UBXN11: variants seen among roughly 807,000 people sequenced by gnomAD.
UBXN11 encodes the protein UBX domain-containing protein 11.
Under a neutral mutation model 62.8 loss-of-function variants are expected in UBXN11, and 47 were observed. The observed-to-expected ratio is 0.75, with a 90% confidence interval of 0.59 to 0.95. The LOEUF (loss-of-function observed/expected upper bound fraction) is 0.95. Ranked by LOEUF, UBXN11 falls within the 40% of genes least tolerant of loss-of-function variation. The pLI is 0.00. For missense variants in UBXN11, 638 were observed against 661.7 expected, an observed-to-expected ratio of 0.96 and a Z score of 0.39; for synonymous variants, 294 against 267.0, an observed-to-expected ratio of 1.10 and a Z score of -0.99.
intron 7 of UBXN11, among the ~76,000 whole-genome samples, chr1:26,296,337 T>C (rs2073391280): frequency 6.6e-6 from 1 of 152,092 alleles, no homozygotes; most frequent in African/African-American, 2.4e-5. Flanking sequence ...AGGAAACTGC[T>C]CCCTCCGTCG....
Position 26,284,205 on chromosome 1 carries a change from G to A in UBXN11, c.1014C>T (p.Pro338=), listed in dbSNP as rs2073069894. 2 of 1,612,972 alleles carry A rather than the reference G, an allele frequency of 1.2e-6. No homozygotes were observed. Among genetic ancestry groups the A allele is most frequent in the South Asian group, 1.1e-5 (1 of 90,922 alleles). ...MTAEKFLNRL[P]KFVIRQGEVI... is the part of the protein sequence containing the mutation. The stretch of plus-strand genomic sequence containing the variant: ...CCTCGCCTTGCCGGATCACAAACTT[G>A]GGGAGCCTGTTCAGAAATTTCTCAG... The change falls in exon 12 of 15, where the codon CCC becomes CCT. Residue 338 remains proline (P), a synonymous_variant. Transcript: ENST00000374222.
intron 1 of UBXN11, among the ~76,000 whole-genome samples, chr1:26,316,024 A>G (rs908403215): frequency 2.8e-5 from 4 of 143,404 alleles, no homozygotes; most frequent in Non-Finnish European, 4.5e-5. Flanking sequence ...CAGTGCCACA[A>G]TCATGGCTCA....
At chr1:26,283,334 G>T (rs2073048192) in intron 12 of UBXN11, among the ~76,000 whole-genome samples, 1 of 152,188 alleles carries the variant, frequency 6.6e-6, no homozygotes, top group Non-Finnish European at 1.5e-5. Context: ...CAAAGATCCT[G>T]GGTTCAGGGA....
At position 26,300,925 on chromosome 1, in the gene UBXN11, C is replaced by A. The variant is rs746179744; in HGVS notation, c.199+1G>T. The A allele has an allele frequency of 6.2e-7, 1 of 1,614,248 alleles. No individual in the cohort carries two copies. The highest frequency in any genetic ancestry group is 1.1e-5 in the South Asian group (1 of 91,092). On this transcript the variant is annotated splice_donor_variant, in intron 4 of 14. Transcript: ENST00000374222. LOFTEE classifies it high-confidence loss of function. ...CAGACCCTTCAGGCCTCTGCTCTCA[C>A]CTTGCCGACTCACAGGGGCACCTAT...
intron 10 of UBXN11, 136 bp downstream of exon 10, chr1:26,285,328 C>T: frequency 6.6e-7 from 1 of 1,513,832 alleles, no homozygotes; most frequent in Non-Finnish European, 8.9e-7. Flanking sequence ...CAGACTTATC[C>T]TCCTGGAGGG....
At chr1:26,291,479 A>G (rs1207425372) in intron 8 of UBXN11, among the ~76,000 whole-genome samples, 1 of 152,216 alleles carries the variant, frequency 6.6e-6, no homozygotes, top group African/African-American at 2.4e-5. Context: ...TTCACAAGTT[A>G]CTTTGACTTG....
At position 26,284,157 on chromosome 1, in the gene UBXN11, G is replaced by C. The variant is rs774659047; in HGVS notation, c.1062C>G (p.Ile354Met). Residue 354 changes from isoleucine to methionine, a missense_variant, in exon 12 of 15, where the codon ATC becomes ATG. Transcript: ENST00000374222. ...QGEVIDIRGPIRDTLQNCCPL... is the reference protein window; with the variant it reads ...QGEVIDIRGPMRDTLQNCCPL... ...TTGGCCTCACCTGCAAGGTGTCCCT[G>C]ATGGGGCCCCGGATGTCAATCACCT... 2 of 1,610,832 alleles carry C rather than the reference G, an allele frequency of 1.2e-6. No individual in the cohort carries two copies. The highest frequency in any genetic ancestry group is 3.4e-5 in the Admixed American group (2 of 59,406).
chr1:26,289,400 G>T (rs182054756), intron 8 of UBXN11, among the ~76,000 whole-genome samples: 7 of 152,128 alleles, frequency 4.6e-5, no homozygotes, highest in Non-Finnish European at 8.8e-5. Flanking sequence ...GAGGCTGCAT[G>T]CCTGGAGCCC....
At chr1:26,288,076 T>TA (rs71721830) in intron 8 of UBXN11, among the ~76,000 whole-genome samples, 9 of 150,592 alleles carry the variant, frequency 6.0e-5, no homozygotes, top group Admixed American at 3.3e-4. Flanking sequence ...CTAATTAATT[T>TA]AAAAAAAAAT....
Position 26,282,569 on chromosome 1 carries a change from C to G in UBXN11, c.1293G>C (p.Arg431Ser). 1 of 1,602,840 alleles carries G rather than the reference C, an allele frequency of 6.2e-7. No individual in the cohort carries two copies. The highest frequency in any genetic ancestry group is 8.5e-7 in the Non-Finnish European group (1 of 1,172,102). ...TCTCAAAGGCAGAGGCATCCATGAC[C>G]CTGGGGACCAGGCAGAGCAGATCAG... ...GDVRALLAQARVMDASAFEIF... is the reference protein window; with the variant it reads ...GDVRALLAQASVMDASAFEIF... Residue 431 changes from arginine to serine, a missense_variant and splice_region_variant, in exon 15 of 15, where the codon AGG becomes AGC. Transcript: ENST00000374222.
Position 26,301,639 on chromosome 1 carries a change from T to C in UBXN11, c.100+55A>G, listed in dbSNP as rs554388388. 24 of 1,606,244 alleles carry C rather than the reference T, an allele frequency of 1.5e-5. No individual in the cohort carries two copies. The Admixed American group carries it at 2.2e-4, about 15-fold the overall frequency. The stretch of plus-strand genomic sequence containing the variant: ...TGATTTCTCTCCATCGGTCCAACTG[T>C]AGGAGGTGCAAGCACATGAGAGGCG... On this transcript the variant is annotated intron_variant, in intron 3 of 14. Transcript: ENST00000374222.
intron 12 of UBXN11, among the ~76,000 whole-genome samples, chr1:26,283,652 C>G (rs1456297780): frequency 6.6e-6 from 1 of 152,062 alleles, no homozygotes; most frequent in African/African-American, 2.4e-5. Flanking sequence ...AGGGATGCAT[C>G]TGGGAGAAGT....
chr1:26,282,586 G>A lies in UBXN11; in HGVS notation c.1293-17C>T. 1 of 1,610,114 alleles carries A rather than the reference G, an allele frequency of 6.2e-7. No homozygotes were observed. The highest frequency in any genetic ancestry group is 8.5e-7 in the Non-Finnish European group (1 of 1,177,492). ...TCCATGACCCTGGGGACCAGGCAGAGCAGATCAGGCTGGGCAGTGGGACCA... is the reference window on the plus strand; with the variant it reads ...TCCATGACCCTGGGGACCAGGCAGAACAGATCAGGCTGGGCAGTGGGACCA... On this transcript the variant is annotated splice_polypyrimidine_tract_variant and intron_variant, in intron 14 of 14. Transcript: ENST00000374222.
At chr1:26,302,740 G>C (rs1187632401) in intron 2 of UBXN11, 73 bp downstream of exon 2, 2 of 1,505,448 alleles carry the variant, frequency 1.3e-6, no homozygotes, top group Admixed American at 1.9e-5. Flanking sequence ...AGGAGTCACT[G>C]TCCTCTGGCC....
intron 5 of UBXN11, 46 bp from the exon 6 acceptor site, chr1:26,297,527 A>G: frequency 6.7e-7 from 1 of 1,498,930 alleles, no homozygotes; most frequent in African/African-American, 1.4e-5. Flanking sequence ...TGGTTCCCAG[A>G]GCCCTGCCCA....
At chr1:26,310,329 GGAGTTT>G (rs1186771196), upstream of UBXN11, among the ~76,000 whole-genome samples, 2 of 152,152 alleles carry the variant, frequency 1.3e-5, no homozygotes, top group Non-Finnish European at 2.9e-5. Flanking sequence ...CCTAAGGTCA[GGAGTTT>G]GAGACCAGCC....
intron 5 of UBXN11, 139 bp from the exon 6 acceptor site, chr1:26,297,620 C>T (rs549468163): frequency 9.2e-6 from 10 of 1,084,284 alleles, no homozygotes; most frequent in Non-Finnish European, 1.2e-5. Context: ...CCACTTCTCC[C>T]GGACCTCAGA....
chr1:26,298,117 G>T (rs549236082), intron 4 of UBXN11, 55 bp from the exon 5 acceptor site: 53 of 1,550,078 alleles, frequency 3.4e-5, no homozygotes, highest in Middle Eastern at 3.4e-4. Flanking sequence ...GCTGAGTTGT[G>T]GGGGGGAGGG....
In UBXN11 at chr1:26,286,152, ACTGC is replaced by A. The variant is rs577692446; in HGVS notation, c.560-119_560-116del. ...AGTGGTCTTAATGTCTCCTTAACTGACTGCCTGGGGAAAAGGACAACGCTAGATA... is the reference window on the plus strand; with the variant it reads ...AGTGGTCTTAATGTCTCCTTAACTGACTGGGGAAAAGGACAACGCTAGATA... On this transcript the variant is annotated intron_variant, in intron 8 of 14. Transcript: ENST00000374222. 1,602 of 910,298 alleles carry A rather than the reference ACTGC, an allele frequency of 1.8e-3. 2 individuals carry two copies. Among genetic ancestry groups the A allele is most frequent in the Non-Finnish European group, 2.1e-3 (1,314 of 629,060 alleles). The allele number at this position is 910,298 out of a possible 1,614,324, so 56.4% of individuals were successfully genotyped here. A position where few individuals can be genotyped will look rare whatever the true frequency, so the allele number is the denominator to read the frequency against.
Sources: gnomAD v4.1 joint callset for allele counts (sites outside exome capture counted in the v4.1 genomes callset) on GRCh38, gnomAD v4.1.1 for gene constraint, MANE v1.5 for transcripts, NCBI Gene and HGNC (gene_info 2026-07-23, HGNC 2026-07-21) for gene names.